The following EPB41 variants were observed in gnomAD, a reference collection of about 807,000 sequenced individuals.
EPB41 encodes protein 4.1.
A neutral mutation model predicts 108.0 loss-of-function variants in EPB41; 65 were observed. The ratio of observed to expected loss-of-function variants is 0.60; its 90% CI spans 0.49 to 0.74. EPB41 has a LOEUF of 0.74. Among genes scored for constraint, EPB41 ranks in the 30% least tolerant of loss-of-function variants. The probability of loss-of-function intolerance (pLI) is 0.00; values close to 1 mark genes in which losing one functional copy is unlikely to be tolerated. For synonymous variants in EPB41, 336 were observed against 358.9 expected, an observed-to-expected ratio of 0.94 and a Z score of 0.72; for missense variants, 875 against 1,037.0, an observed-to-expected ratio of 0.84 and a Z score of 2.15.
intron 12 of EPB41, among the ~76,000 whole-genome samples, chr1:29,057,412 C>G (rs1322310191): frequency 6.6e-6 from 1 of 150,766 alleles, no homozygotes; most frequent in Non-Finnish European, 1.5e-5. Context: ...AGAAATAACC[C>G]CAAACCGTTA....
rs5773226 is a variant in EPB41 at position 28,953,073 on chromosome 1, A to ATT, written c.-7-34347_-7-34346dup. Among the ~76,000 whole-genome samples, 1,138 of 149,192 alleles carry ATT rather than the reference A, an allele frequency of 7.6e-3. 25 individuals carry two copies. Among genetic ancestry groups the ATT allele is most frequent in the East Asian group, 0.055 (280 of 5,114 alleles). The stretch of plus-strand genomic sequence containing the variant: ...CAAATTTCTAGTTGTCTCAAATGGA[A>ATT]TTTTTTTTTTTTGGTAATTTCATTT... On this transcript the variant is annotated intron_variant, in intron 1 of 20. Transcript: ENST00000343067.
chr1:29,068,829 T>C, intron 16 of EPB41: 1 of 1,216,318 alleles, frequency 8.2e-7, no homozygotes, highest in African/African-American at 1.6e-5. Flanking sequence ...GAATTTGCTC[T>C]TGTCATGGCA....
intron 3 of EPB41, among the ~76,000 whole-genome samples, chr1:28,994,747 C>T (rs2096122833): frequency 6.6e-6 from 1 of 150,838 alleles, no homozygotes; most frequent in South Asian, 2.1e-4. Context: ...CAGCCTCAAC[C>T]TCCTGGGCTC....
chr1:28,990,674 C>T (rs1224319632), intron 2 of EPB41, among the ~76,000 whole-genome samples: 1 of 152,076 alleles, frequency 6.6e-6, no homozygotes, highest in Non-Finnish European at 1.5e-5. Context: ...CTGCCTCAGC[C>T]TTCCAGAATG....
rs1178307368 is a variant in EPB41 at position 29,117,445 on chromosome 1, C to T, written c.*633C>T. The T allele has an allele frequency of 1.3e-5, 2 of 152,620 alleles. No homozygotes were observed. Among genetic ancestry groups the T allele is most frequent in the Admixed American group, 6.5e-5 (1 of 15,274 alleles). The allele number at this position is 152,620 out of a possible 1,614,324, so 9.5% of individuals were successfully genotyped here. On this transcript the variant is annotated 3_prime_UTR_variant, in exon 21 of 21. Transcript: ENST00000343067. ...GCTGAGAATGTAGTATTGTTTTTCCCCTCTCCCTCCTGCTTTCTTTTTGGA... is the reference window on the plus strand; with the variant it reads ...GCTGAGAATGTAGTATTGTTTTTCCTCTCTCCCTCCTGCTTTCTTTTTGGA...
chr1:29,030,979 C>T (rs547056579), intron 8 of EPB41, among the ~76,000 whole-genome samples: 4 of 151,976 alleles, frequency 2.6e-5, no homozygotes, highest in African/African-American at 7.2e-5. Flanking sequence ...CCAGCTACCA[C>T]GCCTGGCTAA....
upstream of EPB41, among the ~76,000 whole-genome samples, chr1:28,912,649 T>C (rs2092314865): frequency 6.6e-6 from 1 of 152,048 alleles, no homozygotes; most frequent in African/African-American, 2.4e-5. Flanking sequence ...GGAGTCTTGC[T>C]CTTGTCACCC....
In EPB41 at chr1:29,024,554, C is replaced by T. The variant is rs1298396843; in HGVS notation, c.1125-5846C>T. Among the ~76,000 whole-genome samples, 3 of 151,312 alleles carry T rather than the reference C, an allele frequency of 2.0e-5. No homozygotes were observed. In the East Asian group the frequency reaches 5.8e-4, roughly 29 times the overall value. Reference sequence around the variant, plus strand: ...AGGCTGAGGCAGAGAATTGCTTAAACCTGGAGGGGCGGAGGTTGCAGTGAG... The same window carrying T: ...AGGCTGAGGCAGAGAATTGCTTAAATCTGGAGGGGCGGAGGTTGCAGTGAG... On this transcript the variant is annotated intron_variant, in intron 7 of 20. Transcript: ENST00000343067.
intron 16 of EPB41, among the ~76,000 whole-genome samples, chr1:29,093,465 A>G (rs939993847): frequency 2.0e-5 from 3 of 152,144 alleles, no homozygotes; most frequent in Non-Finnish European, 4.4e-5. Flanking sequence ...CAGATGCATA[A>G]TTTGCAAATA....
intron 7 of EPB41, among the ~76,000 whole-genome samples, chr1:29,020,545 T>C (rs909124305): frequency 6.6e-6 from 1 of 152,114 alleles, no homozygotes; most frequent in African/African-American, 2.4e-5. Flanking sequence ...TTAGTTATAA[T>C]ATAACCCTTG....
chr1:28,946,621 C>T (rs2094498062), intron 1 of EPB41, among the ~76,000 whole-genome samples: 1 of 151,858 alleles, frequency 6.6e-6, no homozygotes, highest in Non-Finnish European at 1.5e-5. Flanking sequence ...ATTGCAACTT[C>T]AATAACATAT....
At chr1:28,898,682 G>A (rs1323469190) in intron 1 of EPB41, among the ~76,000 whole-genome samples, 1 of 152,092 alleles carries the variant, frequency 6.6e-6, no homozygotes, top group African/African-American at 2.4e-5. Flanking sequence ...TAAGAAACAA[G>A]CCCAAGTCTT....
At chr1:29,029,257 A>G (rs921270942) in intron 7 of EPB41, among the ~76,000 whole-genome samples, 1 of 152,104 alleles carries the variant, frequency 6.6e-6, no homozygotes, top group African/African-American at 2.4e-5. Flanking sequence ...CTTCAATTTC[A>G]GGTTCATTAA....
At chr1:28,890,655 G>A (rs2090017909) in intron 1 of EPB41, among the ~76,000 whole-genome samples, 1 of 152,188 alleles carries the variant, frequency 6.6e-6, no homozygotes, top group African/African-American at 2.4e-5. Context: ...CACTTACTAT[G>A]CACAGCATTC....
rs995428093 is a variant in EPB41 at position 28,892,797 on chromosome 1, CTTTTTTTTT to C, written c.-8+5603_-8+5611del. 8.0e-5 allele frequency among the ~76,000 whole-genome samples: 7 copies of C among 87,222 alleles called. No individual in the cohort carries two copies. The South Asian group carries it at 2.1e-3, about 26-fold the overall frequency. 57.2% of individuals were successfully genotyped at this position (87,222 alleles called of 152,430 possible). A position where few individuals can be genotyped will look rare whatever the true frequency, so the allele number is the denominator to read the frequency against. The stretch of plus-strand genomic sequence containing the variant: ...AGTGAAGTCAGGATTTTCCCAGGTT[CTTTTTTTTT>C]TTTTTTTTTTTTTTTGAGACAGAAT... On this transcript the variant is annotated intron_variant, in intron 1 of 16. Transcript: ENST00000347529.
intron 1 of EPB41, among the ~76,000 whole-genome samples, chr1:28,919,460 C>CCTTT (rs931377153): frequency 6.6e-6 from 1 of 152,076 alleles, no homozygotes; most frequent in South Asian, 2.1e-4. Context: ...CCTTAAAAGT[C>CCTTT]CTTTCTTTCT....
chr1:29,041,138 ATAAATAAAT>A (rs912912780), intron 11 of EPB41: 6 of 119,636 alleles, frequency 5.0e-5, no homozygotes, highest in African/African-American at 1.7e-4. Context: ...TGTCTCATAA[ATAAATAAAT>A]TAAATAAATA....
intron 1 of EPB41, among the ~76,000 whole-genome samples, chr1:28,969,610 A>T (rs2095446253): frequency 6.7e-6 from 1 of 149,310 alleles, no homozygotes; most frequent in Non-Finnish European, 1.5e-5. Context: ...CTAAAAATAC[A>T]AAAAATTGGC....
chr1:28,906,365 G>C (rs203300), intron 1 of EPB41, among the ~76,000 whole-genome samples: 19,223 of 152,210 alleles, frequency 0.13, 1,708 homozygotes, highest in African/African-American at 0.26. Context: ...AGTTTTAGAA[G>C]ACTGTCAGCT....
Sources: allele counts gnomAD v4.1 joint callset (sites outside exome capture counted in the v4.1 genomes callset), GRCh38; gene constraint gnomAD v4.1.1; transcripts MANE v1.5; gene names NCBI Gene and HGNC (gene_info 2026-07-23, HGNC 2026-07-21).